WNT5B: variants seen among roughly 807,000 people sequenced by gnomAD.
WNT5B encodes the protein Wnt family member 5B, also known as protein Wnt-5b.
In WNT5B, 18 loss-of-function variants were observed where a neutral mutation model predicts 36.5. That is an observed-to-expected ratio of 0.49 (90% CI 0.34 to 0.73). The LOEUF is 0.73. Among genes scored for constraint, WNT5B ranks in the 30% least tolerant of loss-of-function variants. The pLI, the probability that WNT5B is intolerant of heterozygous loss-of-function variation, is 0.01. For synonymous variants in WNT5B, 213 were observed against 212.3 expected, an observed-to-expected ratio of 1.00 and a Z score of -0.03; for missense variants, 424 against 508.4, an observed-to-expected ratio of 0.83 and a Z score of 1.60.
At chr12:1,639,237 A>G (rs1272961932) in intron 3 of WNT5B, among the ~76,000 whole-genome samples, 1 of 150,124 alleles carries the variant, frequency 6.7e-6, no homozygotes, top group South Asian at 2.1e-4. Context: ...TCCCGGGTTC[A>G]CGCCATTCTC....
intron 1 of WNT5B, among the ~76,000 whole-genome samples, chr12:1,623,135 G>A (rs890465507): frequency 6.7e-6 from 1 of 149,872 alleles, no homozygotes; most frequent in South Asian, 2.1e-4. Context: ...ATGGGGTGAG[G>A]AGTTATGACT....
intron 4 of WNT5B, 35 bp from the exon 5 acceptor site, chr12:1,645,759 T>C: frequency 6.5e-7 from 1 of 1,537,390 alleles, no homozygotes; most frequent in Non-Finnish European, 8.8e-7. Context: ...TCCACCGGGA[T>C]CCTCCTTCTT....
In WNT5B at chr12:1,644,021, T is replaced by C. The variant is rs11061894; in HGVS notation, c.622-1773T>C. Among the ~76,000 whole-genome samples, 19,824 of 152,118 alleles carry C rather than the reference T, an allele frequency of 0.13. 1,762 individuals are homozygous for C. The highest frequency in any genetic ancestry group is 0.25 in the African/African-American group (10,411 of 41,432). On this transcript the variant is annotated intron_variant, in intron 4 of 4. Coordinates refer to ENST00000397196, the MANE Select transcript of WNT5B (RefSeq NM_032642.3). The surrounding 1 kb of genome is among the most constrained non-coding windows in gnomAD (Gnocchi z 5.1). ...CCAACTCTGTCTGAGTGTTTGCCCC[T>C]GCAAGAGATGCTTATCCGTGCTCCG... is the stretch of plus-strand genomic sequence containing the variant.
chr12:1,636,436 C>A (rs2094560881), intron 3 of WNT5B, among the ~76,000 whole-genome samples: 1 of 142,056 alleles, frequency 7.0e-6, no homozygotes, highest in African/African-American at 2.6e-5. Flanking sequence ...GAATACATGG[C>A]CTTTGGTGAC....
intron 1 of WNT5B, 29 bp from the exon 2 acceptor site, chr12:1,631,269 C>T: frequency 3.2e-6 from 5 of 1,577,198 alleles, no homozygotes; most frequent in Non-Finnish European, 4.3e-6. Flanking sequence ...TGAGTTTCCA[C>T]ACTGACTCTC....
chr12:1,636,702 AGTTTTGTTTT>A (rs59138790), intron 3 of WNT5B, among the ~76,000 whole-genome samples: 13 of 149,220 alleles, frequency 8.7e-5, no homozygotes, highest in Admixed American at 2.7e-4. Flanking sequence ...TACCATGCCC[AGTTTTGTTTT>A]GTTTTGTTTT....
upstream of WNT5B, among the ~76,000 whole-genome samples, chr12:1,627,478 A>G (rs1337678992): frequency 6.6e-6 from 1 of 152,236 alleles, no homozygotes; most frequent in East Asian, 1.9e-4. This position sits in a 1 kb window ranked among gnomAD's most constrained non-coding sequence, Gnocchi z 5.0. Flanking sequence ...GCTCTGAAGT[A>G]TGGTGGAAAG....
chr12:1,631,582 C>A, intron 2 of WNT5B, 148 bp downstream of exon 2: 2 of 1,258,070 alleles, frequency 1.6e-6, no homozygotes, highest in Non-Finnish European at 2.2e-6. Context: ...ACTAAGAACG[C>A]TCTGTGTCTC....
At chr12:1,622,717 G>A (rs2094535566) in intron 1 of WNT5B, among the ~76,000 whole-genome samples, 1 of 152,188 alleles carries the variant, frequency 6.6e-6, no homozygotes, top group South Asian at 2.1e-4. Context: ...ACATACCCCT[G>A]TGTACTATCC....
intron 1 of WNT5B, among the ~76,000 whole-genome samples, chr12:1,622,653 C>T (rs1362791785): frequency 1.3e-5 from 2 of 152,162 alleles, no homozygotes; most frequent in African/African-American, 4.8e-5. Context: ...CCCTGAGAGC[C>T]AGAGGAGGGC....
At chr12:1,627,104 C>CA (rs2094542335), upstream of WNT5B, among the ~76,000 whole-genome samples, 1 of 152,122 alleles carries the variant, frequency 6.6e-6, no homozygotes, top group South Asian at 2.1e-4. This position sits in a 1 kb window ranked among gnomAD's most constrained non-coding sequence, Gnocchi z 5.0. Flanking sequence ...TTAAATGCTG[C>CA]GGCTAAAACA....
intron 4 of WNT5B, among the ~76,000 whole-genome samples, chr12:1,641,877 A>T (rs2094576010): frequency 6.6e-6 from 1 of 152,198 alleles, no homozygotes; most frequent in Non-Finnish European, 1.5e-5. Context: ...TGGAATAGGA[A>T]GTGTCTTTTG....
At position 1,646,442 on chromosome 12, in the gene WNT5B, C is replaced by A; in HGVS notation, c.*190C>A. The A allele has an allele frequency of 2.4e-6, 1 of 415,574 alleles. No individual in the cohort carries two copies. Among genetic ancestry groups the A allele is most frequent in the Non-Finnish European group, 3.8e-6 (1 of 261,242 alleles). 25.7% of individuals were successfully genotyped at this position (415,574 alleles called of 1,614,324 possible). ...CTCTGAGGAGTGGACTTTGCTGGTT[C>A]TCTCCTCTTGGTGGGTGGGAGACAG... On this transcript the variant is annotated 3_prime_UTR_variant, in exon 5 of 5. Coordinates refer to ENST00000397196, the MANE Select transcript of WNT5B (RefSeq NM_032642.3).
intron 1 of WNT5B, among the ~76,000 whole-genome samples, chr12:1,623,177 G>GTTT (rs1565603144): frequency 4.1e-5 from 4 of 98,182 alleles, no homozygotes; most frequent in African/African-American, 1.7e-4. Context: ...CCTTTGAAGG[G>GTTT]TTTTTTGTTG....
At chr12:1,642,323 A>G (rs948101987) in intron 4 of WNT5B, among the ~76,000 whole-genome samples, 10 of 152,212 alleles carry the variant, frequency 6.6e-5, no homozygotes, top group African/African-American at 2.4e-4. Flanking sequence ...GAGTCGATCC[A>G]GTTTTTGAAA....
chr12:1,640,676 G>C (rs372886753), intron 4 of WNT5B, among the ~76,000 whole-genome samples: 1 of 152,162 alleles, frequency 6.6e-6, no homozygotes, highest in African/African-American at 2.4e-5. Context: ...GGCAGCTTCT[G>C]GGCCCCTAGG....
chr12:1,646,391 G>A lies in WNT5B; in HGVS notation c.*139G>A, dbSNP rs2154439958. ...ATGGAAAGATGAAAATGGAAAGGAA[G>A]AGCTTATTTAAGAGACGCTGGAGAT... On this transcript the variant is annotated 3_prime_UTR_variant, in exon 5 of 5. Coordinates refer to ENST00000397196, the MANE Select transcript of WNT5B (RefSeq NM_032642.3). 1 of 744,778 alleles carries A rather than the reference G, an allele frequency of 1.3e-6. No homozygotes were observed. Among genetic ancestry groups the A allele is most frequent in the East Asian group, 3.4e-5 (1 of 29,112 alleles). 46.1% of individuals were successfully genotyped at this position (744,778 alleles called of 1,614,324 possible).
intron 1 of WNT5B, among the ~76,000 whole-genome samples, chr12:1,623,209 T>C: frequency 7.3e-6 from 1 of 136,728 alleles, no homozygotes; most frequent in Non-Finnish European, 1.6e-5. Context: ...TTTTTTTTTT[T>C]TTTTGAGACG....
At chr12:1,643,186 C>T (rs181640099) in intron 4 of WNT5B, among the ~76,000 whole-genome samples, 57 of 152,224 alleles carry the variant, frequency 3.7e-4, no homozygotes, top group African/African-American at 1.0e-3. Flanking sequence ...TAGACGGTGG[C>T]GGCAACACCA....
Sources: gnomAD v4.1 joint callset for allele counts (sites outside exome capture counted in the v4.1 genomes callset) on GRCh38, gnomAD v4.1.1 for gene constraint, Gnocchi (gnomAD v3.1) non-coding constraint, MANE v1.5 for transcripts, NCBI Gene and HGNC (gene_info 2026-07-23, HGNC 2026-07-21) for gene names.